Variants in API5 observed in about 807,000 individuals in gnomAD.
The protein encoded by API5 is FIF.
Under a neutral mutation model 71.9 loss-of-function variants are expected in API5, and 6 were observed. That is an observed-to-expected ratio of 0.08 (90% CI 0.05 to 0.16). The LOEUF (loss-of-function observed/expected upper bound fraction) is 0.16. API5 is among the 10% of genes least tolerant of loss of function. The pLI, the probability that API5 is intolerant of heterozygous loss-of-function variation, is 1.00. For synonymous variants in API5, 189 were observed against 221.3 expected, an observed-to-expected ratio of 0.85 and a Z score of 1.30; for missense variants, 332 against 612.8, an observed-to-expected ratio of 0.54 and a Z score of 4.84.
intron 7 of API5, 70 bp from the exon 8 acceptor site, chr11:43,327,719 T>C (rs765757971): frequency 1.3e-5 from 14 of 1,089,198 alleles, no homozygotes; most frequent in Admixed American, 2.3e-5. Context: ...TAAATCGTTA[T>C]CTAGAATTAC....
At chr11:43,342,067 T>TC (rs1855636147) in intron 13 of API5, among the ~76,000 whole-genome samples, 1 of 151,774 alleles carries the variant, frequency 6.6e-6, no homozygotes, top group Admixed American at 6.6e-5. Context: ...ATCACTCTAG[T>TC]CCAGAAGTTC....
chr11:43,339,637 A>G (rs1042430005), intron 13 of API5, among the ~76,000 whole-genome samples: 2 of 152,146 alleles, frequency 1.3e-5, no homozygotes, highest in African/African-American at 4.8e-5. Context: ...GCTGAAACAC[A>G]CTCAGACGCA....
intron 2 of API5, among the ~76,000 whole-genome samples, chr11:43,319,372 G>C (rs1410091820): frequency 6.6e-6 from 1 of 152,184 alleles, no homozygotes; most frequent in Non-Finnish European, 1.5e-5. Context: ...TGTCTTTTCA[G>C]ATGAAACAGC....
chr11:43,318,815 T>G lies in API5; in HGVS notation c.231+14T>G. 1.2e-6 allele frequency: 2 copies of G among 1,605,894 alleles called. No individual in the cohort carries two copies. The highest frequency in any genetic ancestry group is 1.7e-6 in the Non-Finnish European group (2 of 1,176,030). ...GAAGATGTATCTGTAAGTTTATGAA[T>G]GACACTTCATAGCAATCTTTCAGAT... On this transcript the variant is annotated intron_variant, in intron 2 of 13. Coordinates refer to ENST00000531273, the MANE Select transcript of API5 (RefSeq NM_001142930.2).
intron 1 of API5, among the ~76,000 whole-genome samples, chr11:43,317,927 C>T (rs949037293): frequency 7.9e-5 from 12 of 152,148 alleles, no homozygotes; most frequent in African/African-American, 2.9e-4. Flanking sequence ...TTGCCCACCT[C>T]GGCCTCCCAA....
In API5 at chr11:43,312,137, G is replaced by A; in HGVS notation, c.10G>A (p.Val4Ile). MPT[V>I]EELYRNYGIL... The stretch of plus-strand genomic sequence containing the variant: ...GGGCTTGTCGCTCACCATGCCGACA[G>A]TAGAGGAGCTTTACCGCAATTATGG... Residue 4 changes from valine (V) to isoleucine (I), a missense_variant, in exon 1 of 14, where the codon GTA becomes ATA. Val to Ile is a conservative substitution (Grantham distance 29). This residue lies in a region of API5 where 127 missense variants were observed against 237.6 expected (regional missense o/e 0.53). Coordinates refer to ENST00000531273, the MANE Select transcript of API5 (RefSeq NM_001142930.2). 1 of 1,613,856 alleles carries A rather than the reference G, an allele frequency of 6.2e-7. No individual in the cohort carries two copies. The highest frequency in any genetic ancestry group is 8.5e-7 in the Non-Finnish European group (1 of 1,179,922).
At chr11:43,336,162 C>T in intron 13 of API5, 168 bp downstream of exon 13, 6 of 860,634 alleles carry the variant, frequency 7.0e-6, no homozygotes, top group Non-Finnish European at 1.0e-5. Context: ...CCATTCCTCT[C>T]TCATTCACCC....
Position 43,322,155 on chromosome 11 carries a change from T to G in API5, c.543+19T>G, listed in dbSNP as rs1257204528. 5.1e-6 allele frequency: 8 copies of G among 1,577,358 alleles called. No individual in the cohort carries two copies. The Admixed American group carries it at 1.5e-4, about 29-fold the overall frequency. On this transcript the variant is annotated intron_variant, in intron 5 of 13. Coordinates refer to ENST00000531273, the MANE Select transcript of API5 (RefSeq NM_001142930.2). ...CAAAAAGGTGAGCTTTGGTCTTCAT[T>G]TGGTGGAAATTCTCTAAAGCAAAAG...
At position 43,335,838 on chromosome 11, in the gene API5, T is replaced by C. The variant is rs1855414191; in HGVS notation, c.1356-20T>C. ...GCTTAATAGAATGTTTTTGAATTGC[T>C]CTTCTTCCTATTGTTACAGGCAAAA... On this transcript the variant is annotated intron_variant, in intron 12 of 13. Coordinates refer to ENST00000531273, the MANE Select transcript of API5 (RefSeq NM_001142930.2). 6.3e-7 allele frequency: 1 copy of C among 1,587,184 alleles called. No homozygotes were observed. The highest frequency in any genetic ancestry group is 8.5e-7 in the Non-Finnish European group (1 of 1,172,146).
intron 4 of API5, among the ~76,000 whole-genome samples, 171 bp downstream of exon 4, chr11:43,321,647 A>G (rs562419927): frequency 1.3e-5 from 2 of 152,350 alleles, no homozygotes; most frequent in African/African-American, 4.8e-5. Flanking sequence ...TAGAAAAACG[A>G]GCAGAAATAA....
intron 3 of API5, 108 bp downstream of exon 3, chr11:43,321,022 C>A: frequency 1.2e-6 from 1 of 814,598 alleles, no homozygotes; most frequent in Non-Finnish European, 2.0e-6. Context: ...GAGGTCCTAC[C>A]TCTGATAGAG....
intron 1 of API5, among the ~76,000 whole-genome samples, chr11:43,313,471 T>TA (rs1383189876): frequency 7.9e-5 from 12 of 152,318 alleles, no homozygotes; most frequent in Admixed American, 3.9e-4. Flanking sequence ...TTTTTCTGCT[T>TA]ACGCATCCCT....
chr11:43,331,864 T>TA (rs1175939398), intron 11 of API5, among the ~76,000 whole-genome samples: 1 of 152,152 alleles, frequency 6.6e-6, no homozygotes, highest in African/African-American at 2.4e-5. Context: ...ACTAATCTCC[T>TA]AAGGAAATGT....
chr11:43,328,301 C>A (rs375744486), intron 8 of API5, among the ~76,000 whole-genome samples: 12 of 152,106 alleles, frequency 7.9e-5, no homozygotes, highest in African/African-American at 2.7e-4. Flanking sequence ...TATGGACTTA[C>A]GTTCAGAAAA....
At chr11:43,321,839 T>C (rs1179357062) in intron 4 of API5, 146 bp from the exon 5 acceptor site, 2 of 774,510 alleles carry the variant, frequency 2.6e-6, no homozygotes, top group East Asian at 5.7e-5. Flanking sequence ...CTGTAGAAAT[T>C]TCAGACTACT....
In API5 at chr11:43,343,618, A is replaced by G. The variant is rs1006189799; in HGVS notation, c.*1108A>G. On this transcript the variant is annotated 3_prime_UTR_variant, in exon 14 of 14. Transcript: ENST00000531273. ...GATGCTCTCTCGGTTTGCTTTTGCCACTTTCAAGATTTTAACTTCTCAGGT... is the reference window on the plus strand; with the variant it reads ...GATGCTCTCTCGGTTTGCTTTTGCCGCTTTCAAGATTTTAACTTCTCAGGT... 1.3e-5 allele frequency: 2 copies of G among 152,650 alleles called. No individual in the cohort carries two copies. Among genetic ancestry groups the G allele is most frequent in the Non-Finnish European group, 2.9e-5 (2 of 68,044 alleles). The allele number at this position is 152,650 out of a possible 1,614,324, so 9.5% of individuals were successfully genotyped here.
intron 13 of API5, among the ~76,000 whole-genome samples, chr11:43,338,197 T>C (rs1450824464): frequency 6.6e-6 from 1 of 152,250 alleles, no homozygotes; most frequent in African/African-American, 2.4e-5. Flanking sequence ...ATAGGTATTC[T>C]CACAACAAAA....
chr11:43,338,648 TAAAAAAAA>T lies in API5; in HGVS notation c.1492+2668_1492+2675del, dbSNP rs35510804. On this transcript the variant is annotated intron_variant, in intron 13 of 13. Coordinates refer to ENST00000531273, the MANE Select transcript of API5 (RefSeq NM_001142930.2). ...TAGAAATGGCTGTATCAATTGGAGG[TAAAAAAAA>T]AAAAAAAAAAAAAGCATTTGCCAAT... is the stretch of plus-strand genomic sequence containing the variant. Among the ~76,000 whole-genome samples, 40 of 96,990 alleles carry T rather than the reference TAAAAAAAA, an allele frequency of 4.1e-4. No individual in the cohort carries two copies. In the East Asian group the frequency reaches 7.9e-3, roughly 19 times the overall value. The allele number at this position is 96,990 out of a possible 152,430, so 63.6% of individuals were successfully genotyped here.
chr11:43,314,307 G>A (rs764821997), intron 1 of API5, among the ~76,000 whole-genome samples: 4 of 152,108 alleles, frequency 2.6e-5, no homozygotes, highest in Non-Finnish European at 5.9e-5. Context: ...GTTGTGTCAG[G>A]AATCCTTCTA....
Sources: allele counts gnomAD v4.1 joint callset (sites outside exome capture counted in the v4.1 genomes callset), GRCh38; gene constraint gnomAD v4.1.1; regional missense constraint gnomAD v4.1.1; transcripts MANE v1.5; gene names NCBI Gene and HGNC (gene_info 2026-07-23, HGNC 2026-07-21).